Variants in GALNTL6 observed in about 807,000 individuals in gnomAD.
The protein encoded by GALNTL6 is polypeptide N-acetylgalactosaminyltransferase-like 6.
In GALNTL6, 46 loss-of-function variants were observed where a neutral mutation model predicts 73.7. That is an observed-to-expected ratio of 0.62 (90% CI 0.49 to 0.80). The LOEUF (loss-of-function observed/expected upper bound fraction) is 0.80, where lower values mean the gene tolerates loss of function less well. GALNTL6 is among the 30% of genes least tolerant of loss of function. The probability of loss-of-function intolerance (pLI) is 0.00; values close to 1 mark genes in which losing one functional copy is unlikely to be tolerated. For synonymous variants in GALNTL6, 259 were observed against 263.7 expected, an observed-to-expected ratio of 0.98 and a Z score of 0.17; for missense variants, 604 against 755.0, an observed-to-expected ratio of 0.80 and a Z score of 2.34.
chr4:171,871,498 C>T (rs911588316), intron 2 of GALNTL6, among the ~76,000 whole-genome samples: 3 of 152,056 alleles, frequency 2.0e-5, no homozygotes, highest in Non-Finnish European at 2.9e-5. Context: ...CCATTCCCCC[C>T]ACCCCAACTA....
chr4:172,286,990 A>G (rs1462038033), intron 3 of GALNTL6, among the ~76,000 whole-genome samples: 2 of 152,278 alleles, frequency 1.3e-5, no homozygotes, highest in East Asian at 3.9e-4. Context: ...ATGTAGCCAT[A>G]GTGACCATGT....
chr4:172,168,637 G>C (rs577590485), intron 2 of GALNTL6, among the ~76,000 whole-genome samples: 1 of 151,994 alleles, frequency 6.6e-6, no homozygotes, highest in Non-Finnish European at 1.5e-5. Flanking sequence ...TGATGGTGAT[G>C]TTGATGAAGC....
chr4:172,806,789 A>T (rs535194294), intron 5 of GALNTL6, among the ~76,000 whole-genome samples: 7 of 152,330 alleles, frequency 4.6e-5, no homozygotes, highest in African/African-American at 1.7e-4. Context: ...GACTGTTGAG[A>T]CACTATTTCC....
intron 7 of GALNTL6, among the ~76,000 whole-genome samples, chr4:172,842,974 TG>T (rs1242052459): frequency 6.6e-6 from 1 of 152,064 alleles, no homozygotes; most frequent in East Asian, 1.9e-4. Context: ...TGCTCCTTGA[TG>T]GGGGAAATGC....
intron 5 of GALNTL6, among the ~76,000 whole-genome samples, chr4:172,566,583 A>G (rs1233406096): frequency 6.6e-6 from 1 of 152,168 alleles, no homozygotes; most frequent in Non-Finnish European, 1.5e-5. Context: ...CTGCATTTAA[A>G]AAAATCTCAA....
intron 2 of GALNTL6, among the ~76,000 whole-genome samples, chr4:172,104,775 C>T (rs1579143397): frequency 6.6e-6 from 1 of 152,224 alleles, no homozygotes; most frequent in East Asian, 1.9e-4. Context: ...ATGCTAAGCC[C>T]TTGCATTGCA....
chr4:172,870,018 G>T (rs1370557903), intron 7 of GALNTL6, among the ~76,000 whole-genome samples: 1 of 151,724 alleles, frequency 6.6e-6, no homozygotes, highest in African/African-American at 2.4e-5. Flanking sequence ...CCTGGTATTT[G>T]CTCTGAAATA....
intron 5 of GALNTL6, among the ~76,000 whole-genome samples, chr4:172,740,827 T>G (rs534313678): frequency 7.2e-5 from 11 of 152,286 alleles, no homozygotes; most frequent in Admixed American, 3.3e-4. Flanking sequence ...AAAATTCATG[T>G]GTTAGCTTCA....
chr4:172,875,645 C>A (rs1010073408), intron 7 of GALNTL6, among the ~76,000 whole-genome samples: 17 of 151,576 alleles, frequency 1.1e-4, no homozygotes, highest in African/African-American at 4.1e-4. Context: ...ATTCACCAGG[C>A]GAAGCTATCT....
chr4:172,755,436 C>G (rs1454900529), intron 5 of GALNTL6, among the ~76,000 whole-genome samples: 3 of 151,954 alleles, frequency 2.0e-5, no homozygotes. Context: ...TGATGTATCA[C>G]AAACATCAGA....
At chr4:171,996,848 A>G (rs1156796557) in intron 2 of GALNTL6, among the ~76,000 whole-genome samples, 4 of 152,184 alleles carry the variant, frequency 2.6e-5, no homozygotes, top group Non-Finnish European at 5.9e-5. Flanking sequence ...AGCTTGCTTT[A>G]AAGTAATAGC....
chr4:172,357,492 A>G (rs1483614769), intron 5 of GALNTL6, among the ~76,000 whole-genome samples: 1 of 152,134 alleles, frequency 6.6e-6, no homozygotes, highest in Non-Finnish European at 1.5e-5. Context: ...AGGCATGGGA[A>G]GTTACTGGGC....
Position 171,897,275 on chromosome 4 carries a change from T to C in GALNTL6, c.138+82557T>C, listed in dbSNP as rs188328798. Among the ~76,000 whole-genome samples, 210 of 152,304 alleles carry C rather than the reference T, an allele frequency of 1.4e-3. 1 individual carries two copies. The highest frequency in any genetic ancestry group is 4.8e-3 in the African/African-American group (200 of 41,580). The stretch of plus-strand genomic sequence containing the variant: ...TGGTGATAGAAGATTGGCATTCATA[T>C]GTAAAATAAGGAACCTCTATCTTTA... On this transcript the variant is annotated intron_variant, in intron 2 of 12. Coordinates refer to ENST00000506823, the MANE Select transcript of GALNTL6 (RefSeq NM_001034845.3).
intron 5 of GALNTL6, among the ~76,000 whole-genome samples, chr4:172,427,812 A>T (rs1731287257): frequency 6.6e-6 from 1 of 152,186 alleles, no homozygotes; most frequent in African/African-American, 2.4e-5. Context: ...CTATATTTTG[A>T]ATTAAAAACA....
chr4:172,257,264 C>T (rs2111028132), intron 3 of GALNTL6, among the ~76,000 whole-genome samples: 1 of 151,368 alleles, frequency 6.6e-6, no homozygotes, highest in Non-Finnish European at 1.5e-5. Flanking sequence ...ATATAGATGA[C>T]ACAGCTGTAA....
At position 172,206,844 on chromosome 4, in the gene GALNTL6, G is replaced by A. The variant is rs536448976; in HGVS notation, c.139-22812G>A. Among the ~76,000 whole-genome samples the A allele has an allele frequency of 3.5e-5, 4 of 114,934 alleles. No individual in the cohort carries two copies. In the South Asian group the frequency reaches 9.3e-4, roughly 27 times the overall value. 75.4% of individuals were successfully genotyped at this position (114,934 alleles called of 152,430 possible). ...TTTTTTTTTTTTTTTTTGAGACGGAGTCTCACTCTGTCGCCCAGGCTGGAG... is the reference window on the plus strand; with the variant it reads ...TTTTTTTTTTTTTTTTTGAGACGGAATCTCACTCTGTCGCCCAGGCTGGAG... On this transcript the variant is annotated intron_variant, in intron 2 of 12. Transcript: ENST00000506823.
At chr4:172,880,349 G>A (rs940734923) in intron 7 of GALNTL6, among the ~76,000 whole-genome samples, 7 of 152,092 alleles carry the variant, frequency 4.6e-5, no homozygotes, top group South Asian at 2.1e-4. Flanking sequence ...ATTGATACAC[G>A]CTATAGCATG....
chr4:172,276,545 A>C (rs914342947), intron 3 of GALNTL6, among the ~76,000 whole-genome samples: 1 of 152,176 alleles, frequency 6.6e-6, no homozygotes, highest in Non-Finnish European at 1.5e-5. Context: ...GCATGAACTG[A>C]AGTTTTCTTG....
chr4:172,429,454 C>A (rs1731360355), intron 5 of GALNTL6, among the ~76,000 whole-genome samples: 1 of 152,076 alleles, frequency 6.6e-6, no homozygotes, highest in Non-Finnish European at 1.5e-5. Context: ...TCATGATCTG[C>A]CCACCTCGGC....
Sources: allele counts gnomAD v4.1 joint callset (sites outside exome capture counted in the v4.1 genomes callset), GRCh38; gene constraint gnomAD v4.1.1; transcripts MANE v1.5; gene names NCBI Gene and HGNC (gene_info 2026-07-23, HGNC 2026-07-21).